The following FHAD1 variants were observed in gnomAD, a reference collection of about 807,000 sequenced individuals.
FHAD1 encodes forkhead-associated domain-containing protein 1.
A neutral mutation model predicts 191.3 loss-of-function variants in FHAD1; 146 were observed. The observed-to-expected ratio is 0.76, with a 90% CI of 0.67 to 0.88. FHAD1 has a LOEUF of 0.88. Ranked by LOEUF, FHAD1 falls within the 40% of genes least tolerant of loss-of-function variation. FHAD1 has a pLI of 0.00. For synonymous variants in FHAD1, 616 were observed against 672.3 expected (o/e 0.92, Z 1.29); for missense variants, 1,635 against 1,785.8 (o/e 0.92, Z 1.52).
intron 20 of FHAD1, chr1:15,357,816 A>G (rs1454433121): frequency 2.4e-5 from 6 of 249,770 alleles, no homozygotes; most frequent in African/African-American, 1.1e-4. Flanking sequence ...GCCCTCCTCA[A>G]ATATTTAAAG....
At chr1:15,317,248 G>A (rs921304636) in intron 9 of FHAD1, among the ~76,000 whole-genome samples, 2 of 152,142 alleles carry the variant, frequency 1.3e-5, no homozygotes, top group Admixed American at 6.6e-5. Flanking sequence ...TAAATACAAT[G>A]AAAATAAGAC....
chr1:15,323,897 T>A (rs1677249907), intron 10 of FHAD1, among the ~76,000 whole-genome samples: 1 of 152,164 alleles, frequency 6.6e-6, no homozygotes, highest in South Asian at 2.1e-4. Flanking sequence ...CTAGAAGTGG[T>A]AGCAATAAAC....
intron 25 of FHAD1, 49 bp from the exon 26 acceptor site, chr1:15,369,321 A>C: frequency 6.5e-7 from 1 of 1,547,258 alleles, no homozygotes; most frequent in Non-Finnish European, 8.7e-7. Context: ...GTGTAAAAGT[A>C]ATTTGTGGTT....
intron 25 of FHAD1, among the ~76,000 whole-genome samples, chr1:15,369,085 C>T (rs752515714): frequency 6.6e-6 from 1 of 152,164 alleles, no homozygotes; most frequent in Non-Finnish European, 1.5e-5. Flanking sequence ...GGGTTAGCCA[C>T]ACATAAAGTG....
At position 15,301,294 on chromosome 1, in the gene FHAD1, C is replaced by A; in HGVS notation, c.768C>A (p.Asn256Lys). 1 of 1,551,748 alleles carries A rather than the reference C, an allele frequency of 6.4e-7. No homozygotes were observed. Among genetic ancestry groups the A allele is most frequent in the Non-Finnish European group, 8.7e-7 (1 of 1,146,998 alleles). ...AATACAAAGACGTCATAATAGCAAA[C>A]CTGCAGAATGAAGTGGCTGAGCTGA... ...ESKYKDVIIA[N>K]LQNEVAELSQ... The change falls in exon 6 of 34, where the codon AAC becomes AAA. Residue 256 changes from asparagine to lysine, a missense_variant. By Grantham distance (94) the Asn-to-Lys change is moderately conservative. Coordinates refer to ENST00000688493, the MANE Select transcript of FHAD1 (RefSeq NM_001391957.1).
intron 2 of FHAD1, among the ~76,000 whole-genome samples, chr1:15,255,650 G>A (rs948964075): frequency 6.7e-6 from 1 of 150,322 alleles, no homozygotes; most frequent in Non-Finnish European, 1.5e-5. Context: ...TAGGTCAGAG[G>A]ATCTGCAGAG....
intron 2 of FHAD1, among the ~76,000 whole-genome samples, chr1:15,257,698 G>A (rs896674106): frequency 2.6e-5 from 4 of 152,222 alleles, no homozygotes; most frequent in Non-Finnish European, 5.9e-5. Context: ...CCTTCAGCAC[G>A]TGGAGGGCTT....
rs915121661 is a variant in FHAD1, at chr1:15,325,313, A to G, written c.1473+754A>G. On this transcript the variant is annotated intron_variant, in intron 11 of 33. Transcript: ENST00000688493. The surrounding 1 kb of genome is among the most constrained non-coding windows in gnomAD (Gnocchi z 4.6). ...CCAGGGGATCCACAGAATGGTTTGC[A>G]CACACACGTGTGTGTGCGTGTGTGT... 2 of 151,926 alleles carry G rather than the reference A, an allele frequency of 1.3e-5. No homozygotes were observed. The highest frequency in any genetic ancestry group is 2.9e-5 in the Non-Finnish European group (2 of 68,020). 9.4% of individuals were successfully genotyped at this position (151,926 alleles called of 1,614,324 possible). A position where few individuals can be genotyped will look rare whatever the true frequency, so the allele number is the denominator to read the frequency against.
In FHAD1 at chr1:15,374,613, G is replaced by A. The variant is rs934755313; in HGVS notation, c.3559G>A (p.Glu1187Lys). The change falls in exon 27 of 34, where the codon GAG becomes AAG. Residue 1187 changes from glutamate to lysine, a missense_variant. Glu to Lys is a moderately conservative substitution (Grantham distance 56). Coordinates refer to ENST00000688493, the MANE Select transcript of FHAD1 (RefSeq NM_001391957.1). ...ACTTCGAGCGCGAATTAAAGAACTC[G>A]AGAAGGCGCGCTCACCAGGTAAGTC... ...SELRARIKEL[E>K]KARSPDHKDH... 20 of 1,551,356 alleles carry A rather than the reference G, an allele frequency of 1.3e-5. No individual in the cohort carries two copies. The highest frequency in any genetic ancestry group is 8.2e-5 in the African/African-American group (6 of 73,014).
At position 15,344,417 on chromosome 1, in the gene FHAD1, A is replaced by T. The variant is rs145336160; in HGVS notation, c.2131-666A>T. Among the ~76,000 whole-genome samples the T allele has an allele frequency of 3.1e-4, 47 of 152,350 alleles. 1 individual carries two copies. In the East Asian group the frequency reaches 9.1e-3, roughly 29 times the overall value. ...CAACAATCCCTTGGTTTGTGCACACACCAATGGGTTAGATCAGGGATTGGC... is the reference window on the plus strand; with the variant it reads ...CAACAATCCCTTGGTTTGTGCACACTCCAATGGGTTAGATCAGGGATTGGC... On this transcript the variant is annotated intron_variant, in intron 16 of 33. Coordinates refer to ENST00000688493, the MANE Select transcript of FHAD1 (RefSeq NM_001391957.1).
chr1:15,382,579 G>A (rs985059054), intron 31 of FHAD1, among the ~76,000 whole-genome samples: 1 of 152,166 alleles, frequency 6.6e-6, no homozygotes, highest in Non-Finnish European at 1.5e-5. Flanking sequence ...TGAACGGATG[G>A]GTGGAAGGAC....
chr1:15,273,858 A>G (rs1414620038), intron 3 of FHAD1, among the ~76,000 whole-genome samples: 1 of 152,072 alleles, frequency 6.6e-6, no homozygotes, highest in Non-Finnish European at 1.5e-5. Context: ...GCAAAACTGA[A>G]ACTCTGCCCC....
chr1:15,388,093 A>G lies in FHAD1; in HGVS notation c.4231A>G (p.Thr1411Ala). ...CGAACTGAGAAACGCAAAAGAATCGACACCTTGCAACTGTGCCTTCAAAGA... is the reference window on the plus strand; with the variant it reads ...CGAACTGAGAAACGCAAAAGAATCGGCACCTTGCAACTGTGCCTTCAAAGA... ...EHELRNAKES[T>A]PCNCAFKEKD... The change falls in exon 32 of 34, where the codon ACA becomes GCA. Residue 1411 changes from threonine to alanine, a missense_variant. Transcript: ENST00000688493. 7.8e-7 allele frequency: 1 copy of G among 1,289,920 alleles called. No homozygotes were observed. The highest frequency in any genetic ancestry group is 1.0e-6 in the Non-Finnish European group (1 of 988,900). 79.9% of individuals were successfully genotyped at this position (1,289,920 alleles called of 1,614,324 possible). A position where few individuals can be genotyped will look rare whatever the true frequency, so the allele number is the denominator to read the frequency against.
intron 20 of FHAD1, among the ~76,000 whole-genome samples, chr1:15,355,681 C>T (rs1177834774): frequency 1.3e-5 from 2 of 152,130 alleles, no homozygotes; most frequent in African/African-American, 4.8e-5. Flanking sequence ...GGCATGCCTG[C>T]CAGTGTCCCC....
Position 15,366,112 on chromosome 1 carries a change from C to T in FHAD1, c.3154+179C>T, listed in dbSNP as rs1305122512. On this transcript the variant is annotated intron_variant, in intron 24 of 33. Coordinates refer to ENST00000688493, the MANE Select transcript of FHAD1 (RefSeq NM_001391957.1). ...ACCAGCCTGGCCAATATGGTGAAAACCCACCTCTACTAAAAATACAAAAAT... is the reference window on the plus strand; with the variant it reads ...ACCAGCCTGGCCAATATGGTGAAAATCCACCTCTACTAAAAATACAAAAAT... 2.0e-5 allele frequency among the ~76,000 whole-genome samples: 3 copies of T among 151,930 alleles called. No homozygotes were observed. In the East Asian group the frequency reaches 5.8e-4, roughly 29 times the overall value.
chr1:15,252,926 A>C (rs1646961236), intron 2 of FHAD1, among the ~76,000 whole-genome samples: 1 of 152,228 alleles, frequency 6.6e-6, no homozygotes, highest in Admixed American at 6.5e-5. Context: ...TGAAGTGGAA[A>C]GAGAAAAAAT....
At chr1:15,270,664 C>A (rs1341728002) in intron 2 of FHAD1, among the ~76,000 whole-genome samples, 1 of 152,236 alleles carries the variant, frequency 6.6e-6, no homozygotes, top group South Asian at 2.1e-4. Flanking sequence ...AAAAGCTGGA[C>A]AGGGCACCCT....
intron 10 of FHAD1, 39 bp from the exon 11 acceptor site, chr1:15,324,413 C>G (rs1331329954): frequency 6.9e-7 from 1 of 1,453,030 alleles, no homozygotes; most frequent in Admixed American, 2.0e-5. Flanking sequence ...GCATTATGAT[C>G]ACATTAGCAG....
chr1:15,311,475 A>G lies in FHAD1; in HGVS notation c.1040-1582A>G, dbSNP rs1046570815. Among the ~76,000 whole-genome samples the G allele has an allele frequency of 6.6e-6, 1 of 152,214 alleles. No homozygotes were observed. Among genetic ancestry groups the G allele is most frequent in the African/African-American group, 2.4e-5 (1 of 41,462 alleles). ...TAGAGACTCAAGCCAAATTCATTCT[A>G]GAGAAAAGGTCACTCTGGTCCCGCC... is the stretch of plus-strand genomic sequence containing the variant. On this transcript the variant is annotated intron_variant, in intron 7 of 33. Transcript: ENST00000688493. This position sits in a 1 kb window ranked among gnomAD's most constrained non-coding sequence, Gnocchi z 4.1.
Sources: gnomAD v4.1 joint callset for allele counts (sites outside exome capture counted in the v4.1 genomes callset) on GRCh38, gnomAD v4.1.1 for gene constraint, Gnocchi (gnomAD v3.1) non-coding constraint, MANE v1.5 for transcripts, NCBI Gene and HGNC (gene_info 2026-07-23, HGNC 2026-07-21) for gene names.